The following INF2 variants were observed in gnomAD, a reference collection of about 807,000 sequenced individuals.
INF2 encodes inverted formin-2.
In INF2, 43 loss-of-function variants were observed where a neutral mutation model predicts 123.5. The observed-to-expected ratio is 0.35, with a 90% CI of 0.27 to 0.45. INF2 has a LOEUF of 0.45. Ranked by LOEUF, INF2 falls within the 20% of genes least tolerant of loss-of-function variation. The pLI, the probability that INF2 is intolerant of heterozygous loss-of-function variation, is 1.00. For missense variants in INF2, 1,453 were observed against 1,682.7 expected (o/e 0.86, Z 2.39); for synonymous variants, 851 against 745.0 (o/e 1.14, Z -2.32).
Position 104,690,126 on chromosome 14 carries a change from C to G in INF2, c.-10+387C>G, listed in dbSNP as rs1458154665. The G allele has an allele frequency of 2.0e-5, 3 of 152,230 alleles. No individual in the cohort carries two copies. In the East Asian group the frequency reaches 5.8e-4, roughly 29 times the overall value. The allele number at this position is 152,230 out of a possible 1,614,324, so 9.4% of individuals were successfully genotyped here. A position where few individuals can be genotyped will look rare whatever the true frequency, so the allele number is the denominator to read the frequency against. On this transcript the variant is annotated intron_variant, in intron 1 of 22. Transcript: ENST00000392634. ...TAAACTTCAACTTCGGGTCCGCCGC[C>G]CGGGTGGCACCCCGAGGTGCGCGCC...
Position 104,712,426 on chromosome 14 carries a change from C to T in INF2, c.2490-7C>T. The T allele has an allele frequency of 6.2e-7, 1 of 1,612,426 alleles. No homozygotes were observed. The highest frequency in any genetic ancestry group is 8.5e-7 in the Non-Finnish European group (1 of 1,179,712). On this transcript the variant is annotated splice_region_variant and splice_polypyrimidine_tract_variant and intron_variant, in intron 16 of 22. Coordinates refer to ENST00000392634, the MANE Select transcript of INF2 (RefSeq NM_022489.4). Reference sequence around the variant, plus strand: ...GCTGTCTCTGCCCGGCCCTCCTCACCTTTCAGGATCAACCTGGAGATCATC... The same window carrying T: ...GCTGTCTCTGCCCGGCCCTCCTCACTTTTCAGGATCAACCTGGAGATCATC...
At position 104,710,015 on chromosome 14, in the gene INF2, CTGTGCTGAGTG is replaced by C. The variant is rs1263117347; in HGVS notation, c.2139-72_2139-62del. The C allele has an allele frequency of 1.2e-5, 15 of 1,291,420 alleles. No individual in the cohort carries two copies. In the African/African-American group the frequency reaches 1.9e-4, roughly 16 times the overall value. 80.0% of individuals were successfully genotyped at this position (1,291,420 alleles called of 1,614,324 possible). On this transcript the variant is annotated intron_variant, in intron 12 of 22. Transcript: ENST00000392634. ...TTTGCCCACCACCCAAGCCAGAGCC[CTGTGCTGAGTG>C]CCCCTCTGGCAGGGACAGGTGGGGG...
chr14:104,697,320 C>T (rs147044287), intron 1 of INF2, among the ~76,000 whole-genome samples: 4 of 152,332 alleles, frequency 2.6e-5, no homozygotes, highest in Non-Finnish European at 4.4e-5. Flanking sequence ...TCAGGTCCCT[C>T]GCGTGCTGGG....
intron 22 of INF2, among the ~76,000 whole-genome samples, chr14:104,718,483 G>A (rs1434512410): frequency 6.6e-6 from 1 of 152,146 alleles, no homozygotes; most frequent in Non-Finnish European, 1.5e-5. Context: ...AGGACAGAGT[G>A]CAGCCTGGGT....
rs1370685508 is a variant in INF2 at position 104,710,995 on chromosome 14, C to T, written c.2298C>T (p.Asn766=). ...IFCQLILRIG[N]FLNYGSHTGD... Reference sequence around the variant, plus strand: ...GCCAGCTGATCCTGAGAATTGGGAACTTCCTCAACTACGTAAGTCAGGGGC... The same window carrying T: ...GCCAGCTGATCCTGAGAATTGGGAATTTCCTCAACTACGTAAGTCAGGGGC... The change falls in exon 14 of 23, where the codon AAC becomes AAT. Residue 766 remains asparagine, a synonymous_variant. Transcript: ENST00000392634. The T allele has an allele frequency of 1.9e-6, 3 of 1,598,758 alleles. No homozygotes were observed. The highest frequency in any genetic ancestry group is 2.5e-6 in the Non-Finnish European group (3 of 1,176,554).
intron 1 of INF2, 66 bp downstream of exon 1, chr14:104,689,805 G>T (rs1026156684): frequency 4.4e-6 from 4 of 905,186 alleles, no homozygotes; most frequent in Non-Finnish European, 4.0e-6. Flanking sequence ...GGAGGCAGGG[G>T]CGTGCTTGGG....
intron 1 of INF2, among the ~76,000 whole-genome samples, chr14:104,682,349 G>A (rs562674771): frequency 2.6e-5 from 4 of 152,208 alleles, no homozygotes; most frequent in Non-Finnish European, 5.9e-5. Context: ...TCCCACCCTG[G>A]AAGAGCTCAG....
rs1243295333 is a variant in INF2 at position 104,713,272 on chromosome 14, G to A, written c.2841G>A (p.Glu947=). Residue 947 remains glutamate, a synonymous_variant, in exon 19 of 23, where the codon GAG becomes GAA. Coordinates refer to ENST00000392634, the MANE Select transcript of INF2 (RefSeq NM_022489.4). The part of the protein sequence containing the change: ...AERRKQQLAE[E]EARRPRGEDG... Reference sequence around the variant, plus strand: ...GGAGGAAGCAGCAGCTGGCGGAGGAGGAGGCGCGGCGGCCTCGGGGAGAGG... The same window carrying A: ...GGAGGAAGCAGCAGCTGGCGGAGGAAGAGGCGCGGCGGCCTCGGGGAGAGG... 1 of 1,550,932 alleles carries A rather than the reference G, an allele frequency of 6.4e-7. No individual in the cohort carries two copies. The highest frequency in any genetic ancestry group is 2.0e-5 in the Admixed American group (1 of 51,084).
At chr14:104,710,517 GCACA>G (rs558283420) in intron 13 of INF2, among the ~76,000 whole-genome samples, 2 of 151,990 alleles carry the variant, frequency 1.3e-5, no homozygotes, top group South Asian at 4.2e-4. Context: ...TCGGGCACGT[GCACA>G]CACACAAGCC....
In INF2 at chr14:104,720,555, G is replaced by A. The variant is rs1042029346; in HGVS notation, c.*1762G>A. ...GTGAACGTCTGCGTAGTCTCGTGTG[G>A]ATGCTGCTGTGGACGTCTGCGTAGT... On this transcript the variant is annotated 3_prime_UTR_variant, in exon 23 of 23. Transcript: ENST00000392634. The A allele has an allele frequency of 6.4e-5, 4 of 62,162 alleles. No homozygotes were observed. The highest frequency in any genetic ancestry group is 1.1e-4 in the Non-Finnish European group (4 of 38,060). 3.9% of individuals were successfully genotyped at this position (62,162 alleles called of 1,614,324 possible).
intron 6 of INF2, 58 bp downstream of exon 6, chr14:104,706,234 G>A (rs1485892965): frequency 6.0e-6 from 9 of 1,504,860 alleles, no homozygotes; most frequent in Non-Finnish European, 8.1e-6. Flanking sequence ...TGGCCCTGAG[G>A]TCCAGAGGCT....
intron 22 of INF2, among the ~76,000 whole-genome samples, chr14:104,717,809 G>A (rs759160564): frequency 6.6e-6 from 1 of 152,210 alleles, no homozygotes; most frequent in Non-Finnish European, 1.5e-5. Flanking sequence ...AATAAGCACC[G>A]GTGGTGACCT....
upstream of INF2, among the ~76,000 whole-genome samples, chr14:104,688,478 A>G (rs1231210051): frequency 6.6e-6 from 1 of 152,232 alleles, no homozygotes; most frequent in Non-Finnish European, 1.5e-5. Context: ...CCTGGCCGCC[A>G]CGGCCCACAC....
chr14:104,693,810 G>C (rs1023639557), intron 1 of INF2, among the ~76,000 whole-genome samples: 1 of 152,208 alleles, frequency 6.6e-6, no homozygotes, highest in Admixed American at 6.5e-5. Context: ...CAGGCCCTGG[G>C]ACATGGCCTC....
At chr14:104,718,503 G>C (rs1890421836) in intron 22 of INF2, among the ~76,000 whole-genome samples, 1 of 152,142 alleles carries the variant, frequency 6.6e-6, no homozygotes, top group Non-Finnish European at 1.5e-5. Context: ...TCTCAGACAG[G>C]GGGTGGGGGA....
At position 104,683,496 on chromosome 14, in the gene INF2, A is replaced by T. The variant is rs117967271; in HGVS notation, c.-104+1914A>T. On this transcript the variant is annotated intron_variant, in intron 1 of 2. Coordinates refer to the INF2 transcript ENST00000674723. ...TGTTCAGGGAAAGATGGGAGGGTAGAGGGGAGAGTGAAGGAGAAGGGAGAA... is the reference window on the plus strand; with the variant it reads ...TGTTCAGGGAAAGATGGGAGGGTAGTGGGGAGAGTGAAGGAGAAGGGAGAA... Among the ~76,000 whole-genome samples, 81 of 151,604 alleles carry T rather than the reference A, an allele frequency of 5.3e-4. No individual in the cohort carries two copies. The East Asian group carries it at 0.011, about 21-fold the overall frequency.
At chr14:104,696,631 C>A (rs989235726) in intron 1 of INF2, among the ~76,000 whole-genome samples, 1 of 152,120 alleles carries the variant, frequency 6.6e-6, no homozygotes, top group Non-Finnish European at 1.5e-5. Flanking sequence ...GTGCCTCCAC[C>A]GCCCTGCAGG....
In INF2 at chr14:104,710,957, C is replaced by G. The variant is rs1167376837; in HGVS notation, c.2260C>G (p.Leu754Val). The change falls in exon 14 of 23, where the codon CTG becomes GTG. Residue 754 changes from leucine to valine, a missense_variant. Physicochemically the swap from Leu to Val is conservative, Grantham distance 32. Transcript: ENST00000392634. ...ACESLLTSRQLPIFCQLILRI... is the reference protein window; with the variant it reads ...ACESLLTSRQVPIFCQLILRI... Reference sequence around the variant, plus strand: ...TGCAGGCCTGCTCACCAGCCGCCAGCTGCCCATCTTCTGCCAGCTGATCCT... The same window carrying G: ...TGCAGGCCTGCTCACCAGCCGCCAGGTGCCCATCTTCTGCCAGCTGATCCT... 1 of 1,612,364 alleles carries G rather than the reference C, an allele frequency of 6.2e-7. No individual in the cohort carries two copies. Among genetic ancestry groups the G allele is most frequent in the African/African-American group, 1.3e-5 (1 of 74,918 alleles).
At chr14:104,693,534 G>T (rs1889053579) in intron 1 of INF2, among the ~76,000 whole-genome samples, 1 of 152,184 alleles carries the variant, frequency 6.6e-6, no homozygotes, top group Non-Finnish European at 1.5e-5. Context: ...GAGCACACCA[G>T]CCCCGGGTAG....
Sources: gnomAD v4.1 joint callset for allele counts (sites outside exome capture counted in the v4.1 genomes callset) on GRCh38, gnomAD v4.1.1 for gene constraint, MANE v1.5 for transcripts, NCBI Gene and HGNC (gene_info 2026-07-23, HGNC 2026-07-21) for gene names.